MYT1L: variants seen among roughly 807,000 people sequenced by gnomAD.
MYT1L encodes the protein myelin transcription factor 1-like protein.
In MYT1L, 12 loss-of-function variants were observed where a neutral mutation model predicts 126.7. The ratio of observed to expected loss-of-function variants is 0.09; its 90% CI spans 0.06 to 0.15. The LOEUF is 0.15. MYT1L is among the 10% of genes least tolerant of loss of function. The pLI, the probability that MYT1L is intolerant of heterozygous loss-of-function variation, is 1.00. For synonymous variants in MYT1L, 541 were observed against 604.2 expected, an observed-to-expected ratio of 0.90 and a Z score of 1.53; for missense variants, 979 against 1,585.2, an observed-to-expected ratio of 0.62 and a Z score of 6.49.
intron 9 of MYT1L, among the ~76,000 whole-genome samples, chr2:1,940,902 G>A (rs1322261249): frequency 6.6e-6 from 1 of 152,220 alleles, no homozygotes; most frequent in African/African-American, 2.4e-5. Flanking sequence ...TAGAAATCCT[G>A]GGTCCTGAGG....
intron 2 of MYT1L, among the ~76,000 whole-genome samples, chr2:2,250,466 T>G (rs1015861366): frequency 6.6e-6 from 1 of 151,424 alleles, no homozygotes; most frequent in Non-Finnish European, 1.5e-5. Context: ...ATCAAAACAA[T>G]TGAACTCATG....
chr2:2,198,110 T>C (rs2092906278), intron 2 of MYT1L, among the ~76,000 whole-genome samples: 1 of 152,114 alleles, frequency 6.6e-6, no homozygotes, highest in Non-Finnish European at 1.5e-5. Flanking sequence ...CTGTTATTTG[T>C]GGCAACATGG....
chr2:1,942,021 G>A (rs2056709501), intron 9 of MYT1L, among the ~76,000 whole-genome samples: 1 of 152,158 alleles, frequency 6.6e-6, no homozygotes, highest in Non-Finnish European at 1.5e-5. Flanking sequence ...CCAGAAATTA[G>A]TTCTCCTGGT....
In MYT1L at chr2:1,984,622, GC is replaced by G. The variant is rs545577975; in HGVS notation, c.1-4846del. On this transcript the variant is annotated intron_variant, in intron 5 of 24. Coordinates refer to ENST00000647738, the MANE Select transcript of MYT1L (RefSeq NM_001303052.2). ...CCTCCTGGGTTCACACCATTCTCCTGCCTCAGCCTCCCGAGTAGCTGGGACT... is the reference window on the plus strand; with the variant it reads ...CCTCCTGGGTTCACACCATTCTCCTGCTCAGCCTCCCGAGTAGCTGGGACT... Among the ~76,000 whole-genome samples the G allele has an allele frequency of 8.2e-5, 12 of 146,338 alleles. No homozygotes were observed. In the South Asian group the frequency reaches 2.4e-3, roughly 29 times the overall value.
At chr2:1,939,361 AG>A (rs1217139450) in intron 9 of MYT1L, among the ~76,000 whole-genome samples, 1 of 152,226 alleles carries the variant, frequency 6.6e-6, no homozygotes, top group African/African-American at 2.4e-5. Context: ...ATGCTGACCC[AG>A]AACTCCAGCG....
At chr2:2,091,129 G>A (rs2076876740) in intron 3 of MYT1L, among the ~76,000 whole-genome samples, 1 of 152,182 alleles carries the variant, frequency 6.6e-6, no homozygotes, top group Admixed American at 6.5e-5. Flanking sequence ...ATTCTTTCCA[G>A]AAAGTTTTCA....
At chr2:2,213,372 G>A (rs1408296575) in intron 2 of MYT1L, among the ~76,000 whole-genome samples, 1 of 152,174 alleles carries the variant, frequency 6.6e-6, no homozygotes, top group Admixed American at 6.5e-5. Context: ...TCAGGACAGA[G>A]CACTGCAGAG....
At chr2:2,212,491 C>T (rs142179820) in intron 2 of MYT1L, among the ~76,000 whole-genome samples, 212 of 152,228 alleles carry the variant, frequency 1.4e-3, no homozygotes, top group African/African-American at 4.8e-3. Context: ...TCTAATAATA[C>T]ATATTTTTGT....
At chr2:1,985,039 G>A (rs1163685758) in intron 5 of MYT1L, among the ~76,000 whole-genome samples, 4 of 152,154 alleles carry the variant, frequency 2.6e-5, no homozygotes, top group Non-Finnish European at 1.5e-5. Context: ...TGCAGGAACA[G>A]GACATGGGGG....
At chr2:2,253,400 G>C (rs1168821594) in intron 2 of MYT1L, among the ~76,000 whole-genome samples, 1 of 152,220 alleles carries the variant, frequency 6.6e-6, no homozygotes, top group Non-Finnish European at 1.5e-5. Flanking sequence ...CTGGATAATA[G>C]TCCACACAGA....
chr2:2,117,794 A>G (rs772837723), intron 3 of MYT1L, among the ~76,000 whole-genome samples: 8 of 152,202 alleles, frequency 5.3e-5, no homozygotes, highest in Admixed American at 1.3e-4. Flanking sequence ...GATAGCAATG[A>G]GGAAGCTGCT....
At chr2:2,206,915 C>T (rs894220089) in intron 2 of MYT1L, among the ~76,000 whole-genome samples, 9 of 152,182 alleles carry the variant, frequency 5.9e-5, no homozygotes, top group Admixed American at 1.3e-4. Flanking sequence ...TCCCTACATG[C>T]AAGAAGGCTG....
At chr2:1,818,201 TG>T (rs1261005151) in intron 21 of MYT1L, among the ~76,000 whole-genome samples, 1 of 152,184 alleles carries the variant, frequency 6.6e-6, no homozygotes, top group Non-Finnish European at 1.5e-5. Context: ...ACACACAGAT[TG>T]GGAAGAAAAA....
chr2:2,003,105 G>A (rs2062570426), intron 4 of MYT1L, among the ~76,000 whole-genome samples: 1 of 152,084 alleles, frequency 6.6e-6, no homozygotes, highest in Non-Finnish European at 1.5e-5. Context: ...CCCACGGTAA[G>A]CTTACAACTG....
At chr2:2,283,877 C>T (rs2095482574) in intron 2 of MYT1L, among the ~76,000 whole-genome samples, 2 of 152,172 alleles carry the variant, frequency 1.3e-5, no homozygotes, top group South Asian at 4.1e-4. Flanking sequence ...TGTCCGACCT[C>T]CCTCTGCCTC....
chr2:2,097,943 G>C (rs955225131), intron 3 of MYT1L, among the ~76,000 whole-genome samples: 4 of 152,134 alleles, frequency 2.6e-5, no homozygotes, highest in Admixed American at 6.5e-5. Flanking sequence ...CTGAGTTCAT[G>C]TAAGATCTGG....
At chr2:2,276,243 C>T (rs1206929633) in intron 2 of MYT1L, among the ~76,000 whole-genome samples, 2 of 152,126 alleles carry the variant, frequency 1.3e-5, no homozygotes, top group African/African-American at 2.4e-5. Context: ...TACACCCTTG[C>T]GTGCCTGTGT....
chr2:1,883,567 G>A (rs1249405263), intron 18 of MYT1L, among the ~76,000 whole-genome samples: 1 of 152,152 alleles, frequency 6.6e-6, no homozygotes, highest in Non-Finnish European at 1.5e-5. Flanking sequence ...TTGCACAAAT[G>A]TATTCTTTTT....
intron 2 of MYT1L, among the ~76,000 whole-genome samples, chr2:2,205,852 A>C (rs2093294637): frequency 6.6e-6 from 1 of 152,118 alleles, no homozygotes; most frequent in Non-Finnish European, 1.5e-5. Context: ...AGGCCCTTTC[A>C]ATGTGGTTCT....
Sources: gnomAD v4.1 joint callset for allele counts (sites outside exome capture counted in the v4.1 genomes callset) on GRCh38, gnomAD v4.1.1 for gene constraint, MANE v1.5 for transcripts, NCBI Gene and HGNC (gene_info 2026-07-23, HGNC 2026-07-21) for gene names.